The following POLRMT variants were observed in gnomAD, a reference collection of about 807,000 sequenced individuals.
POLRMT encodes RNA polymerase mitochondrial, also known as DNA-directed RNA polymerase, mitochondrial.
Under a neutral mutation model 132.2 loss-of-function variants are expected in POLRMT, and 114 were observed. The observed-to-expected ratio is 0.86, with a 90% CI of 0.74 to 1.01. The LOEUF (loss-of-function observed/expected upper bound fraction) is 1.01, where lower values mean the gene tolerates loss of function less well. Ranked by LOEUF, POLRMT falls within the 50% of genes least tolerant of loss-of-function variation. The probability of loss-of-function intolerance (pLI) is 0.00; values close to 1 mark genes in which losing one functional copy is unlikely to be tolerated. For synonymous variants in POLRMT, 1,020 were observed against 773.4 expected, an observed-to-expected ratio of 1.32 and a Z score of -5.29; for missense variants, 2,003 against 1,729.1, an observed-to-expected ratio of 1.16 and a Z score of -2.81.
At chr19:627,134 ATGAGTTT>A (rs1472128548) in intron 3 of POLRMT, among the ~76,000 whole-genome samples, 17 of 146,942 alleles carry the variant, frequency 1.2e-4, no homozygotes, top group African/African-American at 3.8e-4. Context: ...GACCAGAGAC[ATGAGTTT>A]TGGGGCATTT....
chr19:619,173 G>A, intron 14 of POLRMT, 37 bp downstream of exon 14: 1 of 1,610,494 alleles, frequency 6.2e-7, no homozygotes, highest in East Asian at 2.2e-5. Context: ...CACTTGCTTA[G>A]GGAGTCCTGG....
rs763968979 is a variant in POLRMT, at chr19:622,896, C to A, written c.1380G>T (p.Val460=). Residue 460 remains valine (V), a synonymous_variant, in exon 7 of 21, where the codon GTG becomes GTT. Coordinates refer to ENST00000588649, the MANE Select transcript of POLRMT (RefSeq NM_005035.4). ...GGTAAAGTGAGAACCGGCCCTCGTACACCTCGCGCTCTAGGCGGTTCTTGG... is the reference window on the plus strand; with the variant it reads ...GGTAAAGTGAGAACCGGCCCTCGTAAACCTCGCGCTCTAGGCGGTTCTTGG... ...RETKNRLERE[V]YEGRFSLYPF... is the part of the protein sequence containing the mutation. The A allele has an allele frequency of 1.6e-5, 26 of 1,612,190 alleles. No individual in the cohort carries two copies. The highest frequency in any genetic ancestry group is 2.0e-5 in the Non-Finnish European group (24 of 1,179,620).
rs1280523155 is a variant in POLRMT at position 624,820 on chromosome 19, C to T, written c.1039G>A (p.Val347Ile). The change falls in exon 5 of 21, where the codon GTT becomes ATT. Residue 347 changes from valine (V) to isoleucine (I), a missense_variant. Val to Ile is a conservative substitution (Grantham distance 29). Coordinates refer to ENST00000588649, the MANE Select transcript of POLRMT (RefSeq NM_005035.4). ...TTCACCTTGTGCACGGCCTTCAGAACAGTGGCCCGATCCTCCTCAGACAGC... is the reference window on the plus strand; with the variant it reads ...TTCACCTTGTGCACGGCCTTCAGAATAGTGGCCCGATCCTCCTCAGACAGC... Reference protein sequence around the residue: ...VLLSEEDRATVLKAVHKVKPT... With the variant: ...VLLSEEDRATILKAVHKVKPT... 5 of 1,613,520 alleles carry T rather than the reference C, an allele frequency of 3.1e-6. No individual in the cohort carries two copies. The Admixed American group carries it at 6.7e-5, about 22-fold the overall frequency.
At chr19:631,727 A>G (rs1327607314) in intron 2 of POLRMT, among the ~76,000 whole-genome samples, 1 of 152,172 alleles carries the variant, frequency 6.6e-6, no homozygotes, top group Non-Finnish European at 1.5e-5. Flanking sequence ...TAGGATTAAC[A>G]GTTGAGAGCT....
Position 630,098 on chromosome 19 carries a change from C to T in POLRMT, c.264G>A (p.Val88=), listed in dbSNP as rs140040005. 63 of 1,613,654 alleles carry T rather than the reference C, an allele frequency of 3.9e-5. No individual in the cohort carries two copies. In the African/African-American group the frequency reaches 7.2e-4, roughly 18 times the overall value. The change falls in exon 3 of 21, where the codon GTG becomes GTA. Residue 88 remains valine, a synonymous_variant. Coordinates refer to ENST00000588649, the MANE Select transcript of POLRMT (RefSeq NM_005035.4). Reference sequence around the variant, plus strand: ...CACTGCCACATTCTGGGAGCCGCGCCACATCCACCCTGTTCACCACCACCT... The same window carrying T: ...CACTGCCACATTCTGGGAGCCGCGCTACATCCACCCTGTTCACCACCACCT... The part of the protein sequence containing the change: ...VSEVVVNRVD[V]ARLPECGSGD...
rs1323719673 is a variant in POLRMT, at chr19:621,252, G to A, written c.2446C>T (p.Leu816=). 1.2e-6 allele frequency: 2 copies of A among 1,608,884 alleles called. No individual in the cohort carries two copies. The highest frequency in any genetic ancestry group is 2.2e-5 in the South Asian group (2 of 90,896). The change falls in exon 10 of 21, where the codon CTG becomes TTG. Residue 816 remains leucine (L), a synonymous_variant. Coordinates refer to ENST00000588649, the MANE Select transcript of POLRMT (RefSeq NM_005035.4). ...AGGGCCCGCGCCACGTCGCTGCCCA[G>A]GTGGTTGAAGTGCGGCGGGCAGGGG... ...TYPCPPHFNH[L]GSDVARALLE... is the part of the protein sequence containing the mutation.
rs770574124 is a variant in POLRMT, at chr19:618,725, G to A, written c.3303C>T (p.Thr1101=). Residue 1101 remains threonine (T), a synonymous_variant, in exon 16 of 21, where the codon ACC becomes ACT. Transcript: ENST00000588649. ...CTCACCGGCTGATGTCTCCGTTGTGGGTGTAGGTGATGCTCTGAATTCCAC... is the reference window on the plus strand; with the variant it reads ...CTCACCGGCTGATGTCTCCGTTGTGAGTGTAGGTGATGCTCTGAATTCCAC... ...IGGGIQSITY[T]HNGDISRKPN... 1.7e-5 allele frequency: 27 copies of A among 1,607,582 alleles called. No individual in the cohort carries two copies. The African/African-American group carries it at 3.2e-4, about 19-fold the overall frequency.
At chr19:633,385 C>T (rs1428085461) in intron 1 of POLRMT, 40 bp downstream of exon 1, 1 of 1,468,594 alleles carries the variant, frequency 6.8e-7, no homozygotes, top group South Asian at 1.4e-5. Context: ...GAGCCCACGC[C>T]GTGGCCCCCG....
chr19:618,030 G>A (rs1043759200), intron 17 of POLRMT, 181 bp from the exon 18 acceptor site: 3 of 587,260 alleles, frequency 5.1e-6, no homozygotes, highest in African/African-American at 2.0e-5. Context: ...TATCAGTACA[G>A]GGGGAGGAAA....
chr19:625,262 AC>A lies in POLRMT; in HGVS notation c.823-9del. On this transcript the variant is annotated splice_polypyrimidine_tract_variant and intron_variant, in intron 3 of 20. Coordinates refer to ENST00000588649, the MANE Select transcript of POLRMT (RefSeq NM_005035.4). ...CAGCTCCTTGAAGGCACCCTGGGAG[AC>A]CAAGCCAGGGTGAGGGTCTGGGGGG... 6.2e-7 allele frequency: 1 copy of A among 1,613,630 alleles called. No individual in the cohort carries two copies. The highest frequency in any genetic ancestry group is 2.2e-5 in the East Asian group (1 of 44,862).
At chr19:628,161 G>A (rs756233895) in intron 3 of POLRMT, among the ~76,000 whole-genome samples, 4 of 152,122 alleles carry the variant, frequency 2.6e-5, no homozygotes, top group African/African-American at 9.7e-5. Flanking sequence ...AGAGACTTCG[G>A]GTCTGCAGAC....
chr19:623,484 G>A lies in POLRMT; in HGVS notation c.1260C>T (p.Pro420=). 1 of 1,612,694 alleles carries A rather than the reference G, an allele frequency of 6.2e-7. No homozygotes were observed. The highest frequency in any genetic ancestry group is 8.5e-7 in the Non-Finnish European group (1 of 1,179,968). ...GCTTGACCTCCTTGCTTGGCAACGT[G>A]GGCTTCTCCACGGACACCACGCACA... ...SRVCVVSVEK[P]TLPSKEVKHA... The change falls in exon 6 of 21, where the codon CCC becomes CCT. Residue 420 remains proline, a synonymous_variant. Coordinates refer to ENST00000588649, the MANE Select transcript of POLRMT (RefSeq NM_005035.4).
chr19:632,729 G>T, intron 2 of POLRMT, 105 bp downstream of exon 2: 1 of 975,420 alleles, frequency 1.0e-6, no homozygotes, highest in Non-Finnish European at 1.5e-6. Flanking sequence ...GACCCGAGAG[G>T]TGGAGACCGC....
Position 632,958 on chromosome 19 carries a change from G to A in POLRMT, c.89-20C>T, listed in dbSNP as rs969072340. 3.4e-6 allele frequency: 5 copies of A among 1,473,288 alleles called. No individual in the cohort carries two copies. Among genetic ancestry groups the A allele is most frequent in the South Asian group, 1.3e-5 (1 of 77,930 alleles). The allele number at this position is 1,473,288 out of a possible 1,614,324, so 91.3% of individuals were successfully genotyped here. A position where few individuals can be genotyped will look rare whatever the true frequency, so the allele number is the denominator to read the frequency against. On this transcript the variant is annotated intron_variant, in intron 1 of 20. Transcript: ENST00000588649. ...CGGTCCCTGCGGGAAAGACGAGAGC[G>A]GCTGAGCGGGGCCGGGCGTGTGGGC...
At chr19:617,705 AC>A in intron 18 of POLRMT, 50 bp from the exon 19 acceptor site, 1 of 1,611,548 alleles carries the variant, frequency 6.2e-7, no homozygotes, top group African/African-American at 1.3e-5. Context: ...GGCTCTGGGC[AC>A]CACCCCTACC....
In POLRMT at chr19:622,431, C is replaced by A. The variant is rs1471768670; in HGVS notation, c.1627-58G>T. 4.1e-6 allele frequency: 6 copies of A among 1,478,418 alleles called. No homozygotes were observed. The East Asian group carries it at 1.2e-4, about 31-fold the overall frequency. 91.6% of individuals were successfully genotyped at this position (1,478,418 alleles called of 1,614,324 possible). On this transcript the variant is annotated intron_variant, in intron 8 of 20. Coordinates refer to ENST00000588649, the MANE Select transcript of POLRMT (RefSeq NM_005035.4). ...CGGGGCCCCTGAGCTAGATGCCCCA[C>A]CGCCCGTGCCTGACGCCCGGTGGGG...
Position 618,996 on chromosome 19 carries a change from C to T in POLRMT, c.3267+1G>A, listed in dbSNP as rs763987584. On this transcript the variant is annotated splice_donor_variant, in intron 15 of 20. Coordinates refer to ENST00000588649, the MANE Select transcript of POLRMT (RefSeq NM_005035.4). LOFTEE classifies it high-confidence loss of function. Reference sequence around the variant, plus strand: ...GGGGAGGGATGGGGTGGTACACTGACCTTGACCTTGGAGTCCAGGCGATAG... The same window carrying T: ...GGGGAGGGATGGGGTGGTACACTGATCTTGACCTTGGAGTCCAGGCGATAG... 9 of 1,576,530 alleles carry T rather than the reference C, an allele frequency of 5.7e-6. No homozygotes were observed. Among genetic ancestry groups the T allele is most frequent in the Non-Finnish European group, 7.8e-6 (9 of 1,159,482 alleles).
At position 622,898 on chromosome 19, in the gene POLRMT, C is replaced by T; in HGVS notation, c.1378G>A (p.Val460Met). Residue 460 changes from valine to methionine, a missense_variant, in exon 7 of 21, where the codon GTG (valine) becomes ATG (methionine). Physicochemically the swap from Val to Met is conservative, Grantham distance 21. Coordinates refer to ENST00000588649, the MANE Select transcript of POLRMT (RefSeq NM_005035.4). ...TAAAGTGAGAACCGGCCCTCGTACA[C>T]CTCGCGCTCTAGGCGGTTCTTGGTC... ...RETKNRLEREVYEGRFSLYPF... is the reference protein window; with the variant it reads ...RETKNRLEREMYEGRFSLYPF... 6.2e-7 allele frequency: 1 copy of T among 1,612,292 alleles called. No individual in the cohort carries two copies. Among genetic ancestry groups the T allele is most frequent in the Middle Eastern group, 1.7e-4 (1 of 5,984 alleles).
chr19:618,810 G>A, intron 15 of POLRMT, 50 bp from the exon 16 acceptor site: 1 of 1,539,940 alleles, frequency 6.5e-7, no homozygotes, highest in Non-Finnish European at 8.8e-7. Context: ...CAGCACGGTG[G>A]TGGTACATTG....
Sources: gnomAD v4.1 joint callset for allele counts (sites outside exome capture counted in the v4.1 genomes callset) on GRCh38, gnomAD v4.1.1 for gene constraint, MANE v1.5 for transcripts, NCBI Gene and HGNC (gene_info 2026-07-23, HGNC 2026-07-21) for gene names.